Variants in LCORL observed in about 807,000 individuals in gnomAD.
The protein encoded by LCORL is ligand-dependent nuclear receptor corepressor-like protein.
A neutral mutation model predicts 141.8 loss-of-function variants in LCORL; 41 were observed. The observed-to-expected ratio is 0.29, with a 90% CI of 0.23 to 0.38. The LOEUF (loss-of-function observed/expected upper bound fraction) is 0.38. Ranked by LOEUF, LCORL falls within the 10% of genes least tolerant of loss-of-function variation. The pLI is 1.00. For synonymous variants in LCORL, 618 were observed against 694.1 expected (o/e 0.89, Z 1.72); for missense variants, 1,759 against 2,035.0 (o/e 0.86, Z 2.61).
intron 4 of LCORL, among the ~76,000 whole-genome samples, chr4:17,910,576 G>T (rs1444766203): frequency 1.3e-5 from 2 of 152,092 alleles, no homozygotes. Flanking sequence ...TAAAATACTT[G>T]TCTAAAAGAC....
intron 4 of LCORL, among the ~76,000 whole-genome samples, chr4:17,918,553 A>T (rs1733806139): frequency 6.6e-6 from 1 of 152,222 alleles, no homozygotes; most frequent in South Asian, 2.1e-4. Context: ...GTTGAAAAGT[A>T]TACAAATTAA....
At chr4:18,015,695 T>C (rs1256976196) in intron 1 of LCORL, among the ~76,000 whole-genome samples, 1 of 151,804 alleles carries the variant, frequency 6.6e-6, no homozygotes, top group Non-Finnish European at 1.5e-5. Context: ...AAATCTACTC[T>C]TATGGGGTTT....
At chr4:17,996,971 C>T (rs933188842) in intron 1 of LCORL, among the ~76,000 whole-genome samples, 3 of 152,220 alleles carry the variant, frequency 2.0e-5, no homozygotes, top group East Asian at 1.9e-4. Context: ...TTTTCTCCAA[C>T]CATTCCGTAA....
intron 4 of LCORL, among the ~76,000 whole-genome samples, chr4:17,919,414 A>G (rs1328675826): frequency 6.6e-6 from 1 of 152,210 alleles, no homozygotes; most frequent in Non-Finnish European, 1.5e-5. Flanking sequence ...TCCTGATATC[A>G]AAACTAGAGA....
rs1436691217 is a variant in LCORL at position 17,876,244 on chromosome 4, T to A, written c.2746A>T (p.Asn916Tyr). 5.7e-6 allele frequency: 7 copies of A among 1,230,886 alleles called. No individual in the cohort carries two copies. In the Admixed American group the frequency reaches 3.0e-4, roughly 52 times the overall value. The allele number at this position is 1,230,886 out of a possible 1,614,324, so 76.2% of individuals were successfully genotyped here. ...TTCAGATTTTCAAGTCTTTTGTTAT[T>A]CAAATCCACTGTAGGCATGCAGTGA... Residue 916 changes from asparagine to tyrosine, a missense_variant, in exon 7 of 8, where the codon AAT (asparagine) becomes TAT (tyrosine). Asn to Tyr is a moderately radical substitution (Grantham distance 143, BLOSUM62 -2). Transcript: ENST00000635767.
intron 1 of LCORL, among the ~76,000 whole-genome samples, chr4:18,016,316 C>T (rs981189149): frequency 6.6e-6 from 1 of 152,162 alleles, no homozygotes; most frequent in African/African-American, 2.4e-5. Context: ...AGCTATTTGA[C>T]CACACTGCTA....
At chr4:18,001,377 T>C (rs114991325) in intron 1 of LCORL, among the ~76,000 whole-genome samples, 277 of 152,248 alleles carry the variant, frequency 1.8e-3, no homozygotes, top group African/African-American at 6.5e-3. Context: ...GTGCTCAAAG[T>C]AGAATGAAAA....
intron 7 of LCORL, among the ~76,000 whole-genome samples, chr4:17,865,010 C>T (rs752230971): frequency 6.6e-6 from 1 of 152,114 alleles, no homozygotes; most frequent in Non-Finnish European, 1.5e-5. Context: ...TGAAGCAAAA[C>T]CTAACAGATC....
exon 7 of LCORL, chr4:17,878,172 T>C: frequency 4.9e-6 from 6 of 1,230,016 alleles, no homozygotes; most frequent in Non-Finnish European, 6.1e-6. Context: ...TTTTCTTTTT[T>C]CCATTTTAGT....
chr4:17,994,941 T>C (rs1720671896), intron 1 of LCORL, among the ~76,000 whole-genome samples: 1 of 137,304 alleles, frequency 7.3e-6, no homozygotes, highest in African/African-American at 3.2e-5. Context: ...TATAAATGTT[T>C]GAGGGAAAAT....
chr4:17,985,995 ATCT>A (rs1052920213), intron 1 of LCORL, among the ~76,000 whole-genome samples: 1 of 152,138 alleles, frequency 6.6e-6, no homozygotes, highest in African/African-American at 2.4e-5. Context: ...TTTAAAAAGG[ATCT>A]TATTTCACCT....
rs1009711874 is a variant in LCORL, at chr4:17,872,795, T to C, written c.5602+593A>G. 5.3e-5 allele frequency among the ~76,000 whole-genome samples: 8 copies of C among 152,214 alleles called. 1 individual carries two copies. In the South Asian group the frequency reaches 8.3e-4, roughly 16 times the overall value. ...AAAAACTACTCAACAAGTTTGCTGA[T>C]TTATTTTAAAAAATATTGTTGCTCT... is the stretch of plus-strand genomic sequence containing the variant. On this transcript the variant is annotated intron_variant, in intron 7 of 7. Coordinates refer to ENST00000635767, the Ensembl canonical transcript of LCORL.
At chr4:17,975,394 ATTCTT>A (rs775564802) in intron 1 of LCORL, among the ~76,000 whole-genome samples, 103 of 151,308 alleles carry the variant, frequency 6.8e-4, no homozygotes, top group Non-Finnish European at 9.4e-4. Flanking sequence ...TCTTTGCTGA[ATTCTT>A]TTGTTTTTTT....
chr4:17,930,463 C>T (rs1241367900), intron 4 of LCORL, among the ~76,000 whole-genome samples: 2 of 152,154 alleles, frequency 1.3e-5, no homozygotes, highest in Non-Finnish European at 2.9e-5. Flanking sequence ...TGGAATGCTG[C>T]CAGTGTTTCC....
At chr4:17,851,281 T>TA (rs201850504) in intron 7 of LCORL, among the ~76,000 whole-genome samples, 43 of 148,824 alleles carry the variant, frequency 2.9e-4, no homozygotes, top group Admixed American at 4.7e-4. Flanking sequence ...AGTATAATAA[T>TA]AAAAAAAAAA....
chr4:17,965,992 G>A (rs1431211438), intron 2 of LCORL, among the ~76,000 whole-genome samples: 1 of 151,896 alleles, frequency 6.6e-6, no homozygotes, highest in African/African-American at 2.4e-5. Context: ...TGAAGATCAT[G>A]AAACACTGGT....
At chr4:17,904,398 A>G (rs959956682) in intron 5 of LCORL, among the ~76,000 whole-genome samples, 4 of 152,010 alleles carry the variant, frequency 2.6e-5, no homozygotes, top group African/African-American at 9.7e-5. Flanking sequence ...GTGACTTTAT[A>G]CTTAAGTTTT....
Position 17,888,198 on chromosome 4 carries a change from T to C in LCORL, c.683-2037A>G, listed in dbSNP as rs182268576. Among the ~76,000 whole-genome samples the C allele has an allele frequency of 6.9e-4, 105 of 152,242 alleles. 1 individual carries two copies. The highest frequency in any genetic ancestry group is 1.3e-4 in the Admixed American group (2 of 15,270). On this transcript the variant is annotated intron_variant, in intron 5 of 7. Coordinates refer to ENST00000635767, the Ensembl canonical transcript of LCORL. ...AAGTATTCAATAAATGTTTGCTGAA[T>C]AGAATTTCAAAGAACTGGAAAAATT...
intron 4 of LCORL, among the ~76,000 whole-genome samples, chr4:17,947,761 C>G (rs1739113152): frequency 6.6e-6 from 1 of 151,910 alleles, no homozygotes; most frequent in South Asian, 2.1e-4. Flanking sequence ...AGAGTGTATT[C>G]TCACCAATCA....
Sources: allele counts gnomAD v4.1 joint callset (sites outside exome capture counted in the v4.1 genomes callset), GRCh38; gene constraint gnomAD v4.1.1; transcripts MANE v1.5; gene names NCBI Gene and HGNC (gene_info 2026-07-23, HGNC 2026-07-21).